SNED1: variants seen among roughly 807,000 people sequenced by gnomAD.
The protein encoded by SNED1 is sushi, nidogen and EGF like domains 1, also known as sushi, nidogen and EGF-like domain-containing protein 1.
SNED1 carries 81 observed loss-of-function variants against 166.7 expected under a neutral mutation model. That is an observed-to-expected ratio of 0.49 (90% CI 0.41 to 0.58). SNED1 has a LOEUF of 0.58. SNED1 is among the 20% of genes least tolerant of loss of function. The probability of loss-of-function intolerance (pLI) is 0.00; values close to 1 mark genes in which losing one functional copy is unlikely to be tolerated. For synonymous variants in SNED1, 762 were observed against 822.0 expected (o/e 0.93, Z 1.25); for missense variants, 1,604 against 2,000.2 (o/e 0.80, Z 3.78).
intron 1 of SNED1, among the ~76,000 whole-genome samples, chr2:241,020,755 AG>A (rs915730557): frequency 6.6e-6 from 1 of 152,148 alleles, no homozygotes; most frequent in Non-Finnish European, 1.5e-5. Context: ...TGCCCTGGGT[AG>A]GGGCTGCTGC....
intron 27 of SNED1, chr2:241,074,255 A>T (rs2062899583): frequency 6.7e-6 from 1 of 150,102 alleles, no homozygotes; most frequent in African/African-American, 2.5e-5. Context: ...TGTGTTTGCA[A>T]GTGGCGGTTT....
At chr2:241,000,331 C>T (rs1238959408) in intron 1 of SNED1, among the ~76,000 whole-genome samples, 2 of 152,242 alleles carry the variant, frequency 1.3e-5, no homozygotes, top group Non-Finnish European at 2.9e-5. Flanking sequence ...ACCTCGGTGG[C>T]AGCACTGGGT....
At chr2:241,059,022 G>C (rs1386402060) in intron 16 of SNED1, among the ~76,000 whole-genome samples, 1 of 151,974 alleles carries the variant, frequency 6.6e-6, no homozygotes, top group Non-Finnish European at 1.5e-5. Flanking sequence ...AAATTAGCAA[G>C]ATCAAAATAG....
At chr2:241,080,202 T>C (rs1411306333) in intron 27 of SNED1, among the ~76,000 whole-genome samples, 1 of 152,112 alleles carries the variant, frequency 6.6e-6, no homozygotes, top group African/African-American at 2.4e-5. Flanking sequence ...GAGAATCACT[T>C]GAACCCAGGA....
In SNED1 at chr2:241,013,959, T is replaced by C. The variant is rs75669329; in HGVS notation, c.213+14909T>C. Among the ~76,000 whole-genome samples, 1 of 152,166 alleles carries C rather than the reference T, an allele frequency of 6.6e-6. No homozygotes were observed. The highest frequency in any genetic ancestry group is 1.9e-4 in the East Asian group (1 of 5,206). On this transcript the variant is annotated intron_variant, in intron 1 of 31. Transcript: ENST00000310397. The surrounding 1 kb of genome is among the most constrained non-coding windows in gnomAD (Gnocchi z 4.6). Reference sequence around the variant, plus strand: ...ATTGCTAGGCCATATGTCAGTTCTATTTTTAATTTTTTAGGTGGGGCTGTT... The same window carrying C: ...ATTGCTAGGCCATATGTCAGTTCTACTTTTAATTTTTTAGGTGGGGCTGTT...
intron 17 of SNED1, among the ~76,000 whole-genome samples, 191 bp downstream of exon 17, chr2:241,063,095 G>C (rs1298099878): frequency 6.6e-6 from 1 of 152,268 alleles, no homozygotes; most frequent in Non-Finnish European, 1.5e-5. Context: ...CTCCCCAGGG[G>C]AGACTGAGAG....
At chr2:241,052,777 G>A (rs577581788) in intron 15 of SNED1, among the ~76,000 whole-genome samples, 8 of 117,986 alleles carry the variant, frequency 6.8e-5, no homozygotes, top group East Asian at 4.3e-4. Context: ...TACATGGGAT[G>A]CTGGTGTCAG....
chr2:241,045,848 G>A (rs1254433991), intron 8 of SNED1, among the ~76,000 whole-genome samples: 1 of 152,240 alleles, frequency 6.6e-6, no homozygotes, highest in East Asian at 1.9e-4. Flanking sequence ...TGAAAGACAT[G>A]GTTAAAAGAA....
rs968484673 is a variant in SNED1 at position 241,015,336 on chromosome 2, A to G, written c.214-14948A>G. ...AGAGAAGTTTTGCACATCTTTTGTT[A>G]GAGTTACTCTTAGGTACTTGGTTTT... On this transcript the variant is annotated intron_variant, in intron 1 of 31. Transcript: ENST00000310397. Among the ~76,000 whole-genome samples the G allele has an allele frequency of 1.5e-4, 23 of 152,348 alleles. 1 individual carries two copies. The highest frequency in any genetic ancestry group is 3.4e-3 in the Middle Eastern group (1 of 294).
chr2:241,063,563 C>T, intron 17 of SNED1, 24 bp from the exon 18 acceptor site: 5 of 1,532,050 alleles, frequency 3.3e-6, no homozygotes, highest in Non-Finnish European at 4.5e-6. Flanking sequence ...CCAGCAACAC[C>T]CTTGACACCC....
In SNED1 at chr2:241,068,959, T is replaced by A; in HGVS notation, c.3243T>A (p.Ser1081Arg). The change falls in exon 23 of 32, where the codon AGT becomes AGA. Residue 1081 changes from serine to arginine, a missense_variant. Physicochemically the swap from Ser to Arg is moderately radical, Grantham distance 110 (BLOSUM62 -1). Around this residue, in one of 2 missense-constraint regions of SNED1, gnomAD observed 1,237 missense variants for 1,620.8 expected, o/e 0.76. Coordinates refer to ENST00000310397, the MANE Select transcript of SNED1 (RefSeq NM_001080437.3). This position sits in a 1 kb window ranked among gnomAD's most constrained non-coding sequence, Gnocchi z 5.3. ...KRYTIQLTTL[S>R]GLRGEEHPTE... Reference sequence around the variant, plus strand: ...ACACCATCCAGCTGACCACCCTCAGTGGGCTCAGGGGAGAGGAGCACCCCA... The same window carrying A: ...ACACCATCCAGCTGACCACCCTCAGAGGGCTCAGGGGAGAGGAGCACCCCA... 6.4e-7 allele frequency: 1 copy of A among 1,556,472 alleles called. No individual in the cohort carries two copies.
Position 241,073,122 on chromosome 2 carries a change from A to G in SNED1, c.3818-144A>G. On this transcript the variant is annotated intron_variant, in intron 26 of 31. Transcript: ENST00000310397. The surrounding 1 kb of genome is among the most constrained non-coding windows in gnomAD (Gnocchi z 6.6). Reference sequence around the variant, plus strand: ...CAGGGGAGGCAGCTCTGGGGCCGACAGGTGCTGGGGCCACGCAGGGAGCCT... The same window carrying G: ...CAGGGGAGGCAGCTCTGGGGCCGACGGGTGCTGGGGCCACGCAGGGAGCCT... 1.6e-6 allele frequency: 1 copy of G among 617,242 alleles called. No homozygotes were observed. The highest frequency in any genetic ancestry group is 2.8e-6 in the Non-Finnish European group (1 of 352,134). The allele number at this position is 617,242 out of a possible 1,614,324, so 38.2% of individuals were successfully genotyped here.
chr2:241,005,602 T>A (rs1304970598), intron 1 of SNED1, among the ~76,000 whole-genome samples: 1 of 152,162 alleles, frequency 6.6e-6, no homozygotes. Context: ...ACTGTTTTTT[T>A]AAAATCTGAA....
intron 1 of SNED1, among the ~76,000 whole-genome samples, chr2:241,021,486 G>T (rs1429137190): frequency 2.0e-5 from 3 of 152,116 alleles, no homozygotes; most frequent in Non-Finnish European, 4.4e-5. Flanking sequence ...CACAATCTAT[G>T]TTCTGTCTCC....
At chr2:241,071,994 A>G in intron 26 of SNED1, 116 bp downstream of exon 26, 2 of 915,780 alleles carry the variant, frequency 2.2e-6, no homozygotes, top group Non-Finnish European at 3.5e-6. Context: ...CGCAGTCTCC[A>G]GCCAGTGACC....
intron 24 of SNED1, among the ~76,000 whole-genome samples, chr2:241,071,252 G>A (rs1018742108): frequency 6.6e-5 from 10 of 152,196 alleles, no homozygotes; most frequent in African/African-American, 2.2e-4. Context: ...ACCTGAGTCC[G>A]AGCCCGAGTG....
Position 241,091,797 on chromosome 2 carries a change from T to A in SNED1, c.*161T>A, listed in dbSNP as rs1211101302. 1.3e-5 allele frequency: 2 copies of A among 152,470 alleles called. No individual in the cohort carries two copies. Among genetic ancestry groups the A allele is most frequent in the Admixed American group, 1.3e-4 (2 of 15,284 alleles). The allele number at this position is 152,470 out of a possible 1,614,324, so 9.4% of individuals were successfully genotyped here. On this transcript the variant is annotated 3_prime_UTR_variant, in exon 32 of 32. Transcript: ENST00000310397. This position sits in a 1 kb window ranked among gnomAD's most constrained non-coding sequence, Gnocchi z 4.1. ...TCTCCTCAGGCCTCTAGAGGACAGA[T>A]GGCCAGGCCTGTGCACACACCAGCC... is the stretch of plus-strand genomic sequence containing the variant.
chr2:241,018,538 C>T lies in SNED1; in HGVS notation c.214-11746C>T, dbSNP rs547278912. Among the ~76,000 whole-genome samples, 54 of 152,338 alleles carry T rather than the reference C, an allele frequency of 3.5e-4. No homozygotes were observed. Among genetic ancestry groups the T allele is most frequent in the Non-Finnish European group, 5.6e-4 (38 of 68,028 alleles). On this transcript the variant is annotated intron_variant, in intron 1 of 31. Coordinates refer to ENST00000310397, the MANE Select transcript of SNED1 (RefSeq NM_001080437.3). This position sits in a 1 kb window ranked among gnomAD's most constrained non-coding sequence, Gnocchi z 5.4. ...AGGAGCCGGGACTGGCGTTCTCTCT[C>T]TTCAGCCAGGAAGCCAGAATGCACA...
intron 1 of SNED1, chr2:241,009,974 G>T (rs932200985): frequency 2.8e-4 from 42 of 152,312 alleles, no homozygotes; most frequent in African/African-American, 9.2e-4. Context: ...GGCCCAGGAC[G>T]CCAGCCCCCG....
Sources: allele counts gnomAD v4.1 joint callset (sites outside exome capture counted in the v4.1 genomes callset), GRCh38; gene constraint gnomAD v4.1.1; regional missense constraint gnomAD v4.1.1; non-coding constraint Gnocchi (gnomAD v3.1); transcripts MANE v1.5; gene names NCBI Gene and HGNC (gene_info 2026-07-23, HGNC 2026-07-21).